Variants in GPM6B observed in about 807,000 individuals in gnomAD.
GPM6B encodes glycoprotein M6B, also known as neuronal membrane glycoprotein M6-b.
Under a neutral mutation model 27.2 loss-of-function variants are expected in GPM6B, and 4 were observed. The observed-to-expected ratio is 0.15, with a 90% CI of 0.07 to 0.34. GPM6B has a LOEUF of 0.34. GPM6B is among the 10% of genes least tolerant of loss of function. GPM6B has a pLI of 1.00. For missense variants in GPM6B, 183 were observed against 261.9 expected (o/e 0.70, Z 2.08); for synonymous variants, 124 against 103.1 (o/e 1.20, Z -1.23).
upstream of GPM6B, among the ~76,000 whole-genome samples, chrX:13,821,872 G>A (rs1036509731): frequency 4.5e-5 from 5 of 112,046 alleles, no homozygotes; most frequent in African/African-American, 1.6e-4. Context: ...TGGGATTACA[G>A]GCATGAGCCA....
At chrX:13,898,968 C>T (rs1021306867) in intron 1 of GPM6B, among the ~76,000 whole-genome samples, 1 of 112,007 alleles carries the variant, frequency 8.9e-6, no homozygotes, top group Middle Eastern at 4.2e-3. Flanking sequence ...ACTGAAGATA[C>T]AGAACATGCC....
At chrX:13,805,718 C>A (rs1430499790) in intron 2 of GPM6B, among the ~76,000 whole-genome samples, 5 of 111,991 alleles carry the variant, frequency 4.5e-5, no homozygotes, top group African/African-American at 1.6e-4. Context: ...ATAGAGGTTT[C>A]TTTTATTCCC....
chrX:13,920,674 A>G (rs1267591688), intron 1 of GPM6B, among the ~76,000 whole-genome samples: 5 of 111,141 alleles, frequency 4.5e-5, no homozygotes, highest in Non-Finnish European at 5.7e-5. Flanking sequence ...GGCAGATCAC[A>G]AGGTCAGGAG....
At chrX:13,788,361 A>G (rs2048651671) in intron 2 of GPM6B, among the ~76,000 whole-genome samples, 1 of 109,863 alleles carries the variant, frequency 9.1e-6, no homozygotes, top group South Asian at 4.0e-4. Context: ...GCAAAGATAC[A>G]GACCCCTGCA....
rs746452368 is a variant in GPM6B at position 13,862,031 on chromosome X, A to G, written c.-197-76223T>C. ...AATCTAAAGGTAGAGGTGAGTGTGA[A>G]TGAGTGTACGAGTGAGCATGTAAAT... is the stretch of plus-strand genomic sequence containing the variant. On this transcript the variant is annotated intron_variant, in intron 1 of 6. Coordinates refer to the GPM6B transcript ENST00000398361. Among the ~76,000 whole-genome samples, 5 of 111,109 alleles carry G rather than the reference A, an allele frequency of 4.5e-5. No individual in the cohort carries two copies. In the East Asian group the frequency reaches 1.1e-3, roughly 25 times the overall value.
At chrX:13,804,125 C>G (rs2048972450) in intron 2 of GPM6B, among the ~76,000 whole-genome samples, 1 of 111,395 alleles carries the variant, frequency 9.0e-6, no homozygotes, top group Non-Finnish European at 1.9e-5. Flanking sequence ...AATGCAGATT[C>G]TGATTCAGTG....
At chrX:13,932,600 T>A (rs1201238904) in intron 1 of GPM6B, among the ~76,000 whole-genome samples, 4 of 111,665 alleles carry the variant, frequency 3.6e-5, no homozygotes, top group African/African-American at 1.3e-4. Context: ...GAGAGCCCCA[T>A]GGTGATGGAC....
Position 13,789,847 on chromosome X carries a change from G to T in GPM6B, c.182-4039C>A, listed in dbSNP as rs527749951. Among the ~76,000 whole-genome samples, 592 of 107,985 alleles carry T rather than the reference G, an allele frequency of 5.5e-3. 4 individuals are homozygous for T. The highest frequency in any genetic ancestry group is 0.015 in the African/African-American group (462 of 29,845). The allele number at this position is 107,985 out of a possible 115,157, so 93.8% of individuals were successfully genotyped here. A position where few individuals can be genotyped will look rare whatever the true frequency, so the allele number is the denominator to read the frequency against. On this transcript the variant is annotated intron_variant, in intron 2 of 7. Transcript: ENST00000316715. ...TGGGAAGCCACTGCGTTTTTTTTTTGTTTTGTTTTGTTTTTTGAAACAGGG... is the reference window on the plus strand; with the variant it reads ...TGGGAAGCCACTGCGTTTTTTTTTTTTTTTGTTTTGTTTTTTGAAACAGGG...
At chrX:13,850,534 GGACA>G (rs1472742636) in intron 1 of GPM6B, among the ~76,000 whole-genome samples, 1 of 112,628 alleles carries the variant, frequency 8.9e-6, no homozygotes, top group Admixed American at 9.3e-5. Context: ...TTTGTCTCTT[GGACA>G]GTCAGTCTGC....
chrX:13,854,291 C>T (rs183807545), intron 1 of GPM6B, among the ~76,000 whole-genome samples: 167 of 111,850 alleles, frequency 1.5e-3, no homozygotes, highest in African/African-American at 5.0e-3. Flanking sequence ...TTAAAAAATG[C>T]CCCCATTCTG....
chrX:13,851,037 C>T (rs969585957), intron 1 of GPM6B, among the ~76,000 whole-genome samples: 3 of 108,624 alleles, frequency 2.8e-5, no homozygotes, highest in African/African-American at 6.7e-5. Context: ...GTGGTGCATG[C>T]CTGTAGTCCC....
chrX:13,843,441 T>C (rs2049604592), intron 1 of GPM6B, among the ~76,000 whole-genome samples: 1 of 112,389 alleles, frequency 8.9e-6, no homozygotes, highest in Admixed American at 9.4e-5. Flanking sequence ...AAGTTTTCAT[T>C]TCTTTTGGGT....
At chrX:13,828,523 G>C (rs762498552) in intron 1 of GPM6B, among the ~76,000 whole-genome samples, 5 of 111,720 alleles carry the variant, frequency 4.5e-5, no homozygotes, top group Non-Finnish European at 7.5e-5. Flanking sequence ...CCCAATTTCA[G>C]GTATCTTGTT....
intron 1 of GPM6B, among the ~76,000 whole-genome samples, chrX:13,872,728 C>T (rs985929403): frequency 2.7e-5 from 3 of 109,921 alleles, no homozygotes; most frequent in Non-Finnish European, 5.7e-5. Context: ...AGAGGAGGGA[C>T]ATAAATGGTC....
At chrX:13,849,961 A>G (rs2049695910) in intron 1 of GPM6B, among the ~76,000 whole-genome samples, 1 of 111,453 alleles carries the variant, frequency 9.0e-6, no homozygotes, top group South Asian at 3.8e-4. Context: ...CAGGAGGCTG[A>G]GGCAGGAGAA....
intron 1 of GPM6B, among the ~76,000 whole-genome samples, chrX:13,862,474 A>G (rs1456409279): frequency 9.1e-6 from 1 of 109,881 alleles, no homozygotes; most frequent in African/African-American, 3.3e-5. Context: ...TTAAAAATCA[A>G]CCCATGGCTT....
chrX:13,794,186 C>CT lies in GPM6B; in HGVS notation c.182-8379dup, dbSNP rs373995174. ...GAGCAGTGGTTCTCTCTCTCTCTCTCTTTTTTTTTTTTTTCCCAGATACAA... is the reference window on the plus strand; with the variant it reads ...GAGCAGTGGTTCTCTCTCTCTCTCTCTTTTTTTTTTTTTTTCCCAGATACAA... On this transcript the variant is annotated intron_variant, in intron 2 of 7. Transcript: ENST00000316715. Among the ~76,000 whole-genome samples, 974 of 100,483 alleles carry CT rather than the reference C, an allele frequency of 9.7e-3. 12 individuals are homozygous for CT. The highest frequency in any genetic ancestry group is 0.031 in the African/African-American group (837 of 27,270). The allele number at this position is 100,483 out of a possible 115,157, so 87.3% of individuals were successfully genotyped here.
intron 5 of GPM6B, among the ~76,000 whole-genome samples, chrX:13,777,742 T>C (rs1176107375): frequency 2.7e-5 from 3 of 112,475 alleles, no homozygotes; most frequent in African/African-American, 9.7e-5. Flanking sequence ...AAAGCCAGGC[T>C]TTCCCTATAG....
At chrX:13,921,527 G>C (rs1920973091) in intron 1 of GPM6B, among the ~76,000 whole-genome samples, 1 of 110,323 alleles carries the variant, frequency 9.1e-6, no homozygotes, top group African/African-American at 3.3e-5. Flanking sequence ...GCTACCCCAT[G>C]GCCAGAGAGT....
Sources: gnomAD v4.1 joint callset for allele counts (sites outside exome capture counted in the v4.1 genomes callset) on GRCh38, gnomAD v4.1.1 for gene constraint, MANE v1.5 for transcripts, NCBI Gene and HGNC (gene_info 2026-07-23, HGNC 2026-07-21) for gene names.